The following DOCK1 variants were observed in gnomAD, a reference collection of about 807,000 sequenced individuals.
DOCK1 encodes the protein dedicator of cytokinesis protein 1.
DOCK1 carries 138 observed loss-of-function variants against 262.7 expected under a neutral mutation model. The observed-to-expected ratio is 0.53, with a 90% CI of 0.46 to 0.61. DOCK1 has a LOEUF of 0.61. DOCK1 is among the 20% of genes least tolerant of loss of function. The pLI is 0.00. For missense variants in DOCK1, 1,908 were observed against 2,370.7 expected (o/e 0.80, Z 4.05); for synonymous variants, 866 against 867.4 (o/e 1.00, Z 0.03).
intron 4 of DOCK1, among the ~76,000 whole-genome samples, chr10:126,985,753 C>T (rs2039335848): frequency 6.6e-6 from 1 of 152,150 alleles, no homozygotes. Flanking sequence ...CCATCAGCAT[C>T]CTTACTGGGA....
intron 29 of DOCK1, among the ~76,000 whole-genome samples, chr10:127,325,291 G>A (rs905117906): frequency 1.3e-5 from 2 of 152,218 alleles, no homozygotes; most frequent in African/African-American, 4.8e-5. Context: ...CAAGCTTGTA[G>A]CACATCCTTT....
intron 42 of DOCK1, 68 bp from the exon 43 acceptor site, chr10:127,410,772 C>A: frequency 6.9e-7 from 1 of 1,456,384 alleles, no homozygotes. Context: ...AAGGCCAGAC[C>A]CCGTGTCCAA....
At chr10:127,099,398 A>G (rs541356507) in intron 23 of DOCK1, among the ~76,000 whole-genome samples, 22 of 152,254 alleles carry the variant, frequency 1.4e-4, no homozygotes, top group African/African-American at 5.3e-4. Flanking sequence ...TGCTGTATTC[A>G]TCTCTTTTGC....
At chr10:126,920,050 C>T (rs980166471) in intron 1 of DOCK1, among the ~76,000 whole-genome samples, 14 of 152,156 alleles carry the variant, frequency 9.2e-5, no homozygotes, top group African/African-American at 3.4e-4. Context: ...CTAAAACTCC[C>T]TCCACCCCGG....
At chr10:127,168,271 G>A (rs2054260105) in intron 27 of DOCK1, among the ~76,000 whole-genome samples, 1 of 152,162 alleles carries the variant, frequency 6.6e-6, no homozygotes, top group Admixed American at 6.5e-5. Flanking sequence ...AAATGTTTTG[G>A]GTTATGATAA....
intron 46 of DOCK1, among the ~76,000 whole-genome samples, chr10:127,423,408 C>G (rs2068625751): frequency 6.6e-6 from 1 of 152,176 alleles, no homozygotes; most frequent in African/African-American, 2.4e-5. Flanking sequence ...CTTGCTGCCT[C>G]AGAAACAGAG....
intron 29 of DOCK1, among the ~76,000 whole-genome samples, chr10:127,280,245 G>A (rs562891776): frequency 5.3e-5 from 8 of 151,182 alleles, no homozygotes; most frequent in Middle Eastern, 6.8e-3. Context: ...CGTTTTAGCC[G>A]GGATGGTCTC....
intron 25 of DOCK1, among the ~76,000 whole-genome samples, chr10:127,113,305 G>A (rs1340001482): frequency 6.6e-6 from 1 of 152,128 alleles, no homozygotes; most frequent in Non-Finnish European, 1.5e-5. Flanking sequence ...TCCTCTGGAG[G>A]ATGTGTTCAG....
At chr10:127,006,660 T>G (rs1251165794) in intron 10 of DOCK1, among the ~76,000 whole-genome samples, 1 of 152,204 alleles carries the variant, frequency 6.6e-6, no homozygotes, top group Non-Finnish European at 1.5e-5. Flanking sequence ...TCAGGATGGG[T>G]GCGGGACTCG....
chr10:126,966,903 C>A (rs996216501), intron 1 of DOCK1, among the ~76,000 whole-genome samples: 43 of 152,342 alleles, frequency 2.8e-4, no homozygotes, highest in African/African-American at 1.0e-3. Context: ...CTAGCTTCTA[C>A]GCTGGAGTCT....
chr10:127,023,391 C>G (rs764169932), intron 14 of DOCK1, 67 bp downstream of exon 14: 7 of 1,594,274 alleles, frequency 4.4e-6, no homozygotes, highest in South Asian at 2.3e-5. Flanking sequence ...CACCTTGGCT[C>G]TGCTACAGCA....
At chr10:126,956,937 CT>C (rs2036788208) in intron 1 of DOCK1, among the ~76,000 whole-genome samples, 1 of 152,100 alleles carries the variant, frequency 6.6e-6, no homozygotes, top group Non-Finnish European at 1.5e-5. Flanking sequence ...CTAGAGGAGG[CT>C]CAGGCCAGAG....
intron 1 of DOCK1, among the ~76,000 whole-genome samples, chr10:126,969,971 T>C (rs200974449): frequency 6.6e-6 from 1 of 152,132 alleles, no homozygotes; most frequent in East Asian, 1.9e-4. Context: ...GTAGAGGCTG[T>C]TGGGTAGGAG....
intron 27 of DOCK1, among the ~76,000 whole-genome samples, chr10:127,178,074 C>T (rs1165197756): frequency 1.3e-5 from 2 of 152,074 alleles, no homozygotes; most frequent in African/African-American, 4.8e-5. Flanking sequence ...CCGAGGTGCA[C>T]GGTGGTTCCA....
chr10:127,012,322 G>T lies in DOCK1; in HGVS notation c.1149G>T (p.Gln383His). 1.2e-6 allele frequency: 2 copies of T among 1,614,018 alleles called. No homozygotes were observed. The highest frequency in any genetic ancestry group is 1.7e-6 in the Non-Finnish European group (2 of 1,179,894). The stretch of plus-strand genomic sequence containing the variant: ...TGGCAGGGGAGAATGACTTCCTTCA[G>T]ACTGTTATAAACAAAGTCATCGCTG... ...PRVAGENDFL[Q>H]TVINKVIAAK... is the part of the protein sequence containing the mutation. Residue 383 changes from glutamine (Q) to histidine (H), a missense_variant, in exon 12 of 52, where the codon CAG becomes CAT. Around this residue, in one of 9 missense-constraint regions of DOCK1, gnomAD observed 57 missense variants for 39.7 expected, o/e 1.44. Transcript: ENST00000623213. The surrounding 1 kb of genome is among the most constrained non-coding windows in gnomAD (Gnocchi z 4.0).
chr10:126,997,032 A>G, intron 7 of DOCK1, 149 bp downstream of exon 7: 2 of 876,654 alleles, frequency 2.3e-6, no homozygotes, highest in Middle Eastern at 3.7e-4. Flanking sequence ...CATGAGTGGA[A>G]TGGAGCCTGG....
intron 25 of DOCK1, among the ~76,000 whole-genome samples, chr10:127,120,108 T>C (rs2133006430): frequency 6.6e-6 from 1 of 152,342 alleles, no homozygotes; most frequent in Middle Eastern, 3.4e-3. Context: ...TTTATAGCTC[T>C]GTGCATGGCA....
chr10:127,133,167 G>T (rs925597857), intron 27 of DOCK1, among the ~76,000 whole-genome samples: 1 of 152,192 alleles, frequency 6.6e-6, no homozygotes, highest in Non-Finnish European at 1.5e-5. Flanking sequence ...TCTGAGCATG[G>T]GTGATTGATA....
intron 29 of DOCK1, among the ~76,000 whole-genome samples, chr10:127,308,282 G>A (rs908322355): frequency 1.3e-5 from 2 of 152,186 alleles, no homozygotes; most frequent in African/African-American, 4.8e-5. Context: ...GTGGGGCCTG[G>A]CCTCCTCCTT....
Sources: gnomAD v4.1 joint callset for allele counts (sites outside exome capture counted in the v4.1 genomes callset) on GRCh38, gnomAD v4.1.1 for gene constraint, gnomAD v4.1.1 regional missense constraint, Gnocchi (gnomAD v3.1) non-coding constraint, MANE v1.5 for transcripts, NCBI Gene and HGNC (gene_info 2026-07-23, HGNC 2026-07-21) for gene names.